The following WDPCP variants were observed in gnomAD, a reference collection of about 807,000 sequenced individuals.
WDPCP encodes the protein WD repeat-containing and planar cell polarity effector protein fritz homolog.
A neutral mutation model predicts 93.1 loss-of-function variants in WDPCP; 71 were observed. The ratio of observed to expected loss-of-function variants is 0.76; its 90% CI spans 0.63 to 0.93. The LOEUF (loss-of-function observed/expected upper bound fraction) is 0.93. Ranked by LOEUF, WDPCP falls within the 40% of genes least tolerant of loss-of-function variation. The probability of loss-of-function intolerance (pLI) is 0.00; values close to 1 mark genes in which losing one functional copy is unlikely to be tolerated. For synonymous variants in WDPCP, 315 were observed against 315.0 expected (o/e 1.00, Z 0.00); for missense variants, 844 against 887.4 (o/e 0.95, Z 0.62).
At chr2:63,798,761 C>T (rs1286087057) in intron 2 of WDPCP, among the ~76,000 whole-genome samples, 2 of 152,020 alleles carry the variant, frequency 1.3e-5, no homozygotes, top group Non-Finnish European at 2.9e-5. Context: ...ACTAAACTCT[C>T]CAATCAAAAG....
At chr2:63,416,419 C>T (rs72883636) in intron 9 of WDPCP, among the ~76,000 whole-genome samples, 60,335 of 151,306 alleles carry the variant, frequency 0.4, 12,362 homozygotes, top group Non-Finnish European at 0.43. Context: ...CAGCTGGTCT[C>T]GAACTCTTGA....
At chr2:63,828,036 AAAGAAGT>A (rs1671138953), upstream of WDPCP, among the ~76,000 whole-genome samples, 1 of 152,202 alleles carries the variant, frequency 6.6e-6, no homozygotes, top group South Asian at 2.1e-4. Flanking sequence ...AGCCTGCTGC[AAAGAAGT>A]AAACATTGGG....
intron 6 of WDPCP, among the ~76,000 whole-genome samples, chr2:63,466,856 A>G (rs527822603): frequency 1.7e-4 from 26 of 152,298 alleles, no homozygotes; most frequent in African/African-American, 6.3e-4. Context: ...AGCTTCCAAA[A>G]CGTTATTAGT....
intron 6 of WDPCP, among the ~76,000 whole-genome samples, chr2:63,454,473 G>A (rs1698489351): frequency 6.6e-6 from 1 of 151,484 alleles, no homozygotes; most frequent in Admixed American, 6.6e-5. Flanking sequence ...TACATGTTGT[G>A]CACATGTACC....
intron 3 of WDPCP, chr2:63,605,883 A>G: frequency 7.2e-7 from 1 of 1,380,618 alleles, no homozygotes; most frequent in Non-Finnish European, 1.0e-6. Flanking sequence ...TTATTAGTTC[A>G]TGTGTCAGTT....
intron 1 of WDPCP, among the ~76,000 whole-genome samples, chr2:63,823,384 T>C (rs1671055210): frequency 6.6e-6 from 1 of 152,040 alleles, no homozygotes; most frequent in African/African-American, 2.4e-5. Flanking sequence ...CACGCACCTG[T>C]AGTCCCAGCT....
rs187306944 is a variant in WDPCP at position 63,588,230 on chromosome 2, G to A, written c.42C>T (p.Ala14=). The A allele has an allele frequency of 2.5e-6, 4 of 1,576,800 alleles. No homozygotes were observed. The highest frequency in any genetic ancestry group is 1.8e-5 in the Admixed American group (1 of 57,142). Residue 14 remains alanine (A), a synonymous_variant, in exon 1 of 18, where the codon GCC becomes GCT. Coordinates refer to ENST00000272321, the MANE Select transcript of WDPCP (RefSeq NM_015910.7). ...EFCWDAYSKA[A]GSRASSPLPR... ...GGAGTGGGGAAGAAGCGCGACTCCCGGCCGCTTTGGAGTAGGCGTCCCAGC... is the reference window on the plus strand; with the variant it reads ...GGAGTGGGGAAGAAGCGCGACTCCCAGCCGCTTTGGAGTAGGCGTCCCAGC...
At chr2:63,213,545 A>T (rs1159972683) in intron 14 of WDPCP, among the ~76,000 whole-genome samples, 1 of 152,210 alleles carries the variant, frequency 6.6e-6, no homozygotes, top group Non-Finnish European at 1.5e-5. Context: ...TTGACACCCT[A>T]ACATCACAAT....
chr2:63,245,701 A>C (rs1680217479), intron 14 of WDPCP, among the ~76,000 whole-genome samples: 1 of 152,188 alleles, frequency 6.6e-6, no homozygotes, highest in Non-Finnish European at 1.5e-5. Flanking sequence ...TAAAAATTGA[A>C]GGGAACTGTG....
At chr2:63,587,359 A>C (rs1708929227) in intron 1 of WDPCP, among the ~76,000 whole-genome samples, 1 of 152,208 alleles carries the variant, frequency 6.6e-6, no homozygotes, top group Non-Finnish European at 1.5e-5. Flanking sequence ...GAAAACCAGG[A>C]AAGTATGTTG....
chr2:63,454,502 T>TAATAAAA (rs1230426724), intron 6 of WDPCP, among the ~76,000 whole-genome samples: 2 of 149,854 alleles, frequency 1.3e-5, no homozygotes, highest in Non-Finnish European at 2.9e-5. Flanking sequence ...TAACGTATAA[T>TAATAAAA]AATAAAAAAT....
rs1484378631 is a variant in WDPCP at position 63,597,418 on chromosome 2, A to G, written n.488+53241T>C. On this transcript the variant is annotated intron_variant and non_coding_transcript_variant, in intron 3 of 4. Transcript: ENST00000467687. ...CCACAGATGTCATCGCAACAGATAA[A>G]GAAGACGTTGCCTTCAAAGACCTGG... 6 of 1,443,234 alleles carry G rather than the reference A, an allele frequency of 4.2e-6. No homozygotes were observed. The South Asian group carries it at 9.3e-5, about 22-fold the overall frequency. 89.4% of individuals were successfully genotyped at this position (1,443,234 alleles called of 1,614,324 possible).
chr2:63,615,870 A>G (rs930493131), intron 3 of WDPCP, among the ~76,000 whole-genome samples: 1 of 152,136 alleles, frequency 6.6e-6, no homozygotes, highest in Non-Finnish European at 1.5e-5. Context: ...CCCTGAGAAT[A>G]AGCTTTCTCG....
chr2:63,660,181 AAATTCATTATT>A (rs1374967814), intron 2 of WDPCP, among the ~76,000 whole-genome samples: 4 of 152,042 alleles, frequency 2.6e-5, no homozygotes, highest in African/African-American at 4.8e-5. Flanking sequence ...TTTTTTAAAA[AAATTCATTATT>A]AATTAATTTA....
Position 63,495,610 on chromosome 2 carries a change from C to T in WDPCP, c.76-2670G>A, listed in dbSNP as rs568744088. Among the ~76,000 whole-genome samples the T allele has an allele frequency of 2.0e-5, 3 of 152,278 alleles. No homozygotes were observed. In the East Asian group the frequency reaches 5.8e-4, roughly 29 times the overall value. On this transcript the variant is annotated intron_variant, in intron 1 of 17. Coordinates refer to ENST00000272321, the MANE Select transcript of WDPCP (RefSeq NM_015910.7). ...GCCTGCCTCTTTTCTAATTTCTCAG[C>T]TTAGTAGCTAACTTGGACTAATTAC...
At chr2:63,640,671 T>A (rs1038344248) in intron 3 of WDPCP, among the ~76,000 whole-genome samples, 3 of 152,144 alleles carry the variant, frequency 2.0e-5, no homozygotes, top group African/African-American at 7.2e-5. Flanking sequence ...ATAAAATATT[T>A]TGTTTGTATT....
Position 63,801,374 on chromosome 2 carries a change from G to C in WDPCP, n.308+12248C>G, listed in dbSNP as rs559335430. On this transcript the variant is annotated intron_variant and non_coding_transcript_variant, in intron 2 of 4. Coordinates refer to the WDPCP transcript ENST00000467687. ...TCTCGCTGACTTCAAGAATGAAACC[G>C]TGGACCTTCACTGTGAGTGTTACAG... Among the ~76,000 whole-genome samples, 6 of 152,266 alleles carry C rather than the reference G, an allele frequency of 3.9e-5. No individual in the cohort carries two copies. The South Asian group carries it at 1.2e-3, about 32-fold the overall frequency.
intron 2 of WDPCP, among the ~76,000 whole-genome samples, chr2:63,671,057 G>T (rs1710339855): frequency 6.6e-6 from 1 of 152,164 alleles, no homozygotes; most frequent in Non-Finnish European, 1.5e-5. Flanking sequence ...TCCCTACTCA[G>T]GCTCAGCTTT....
chr2:63,818,635 C>T (rs1670973601), intron 1 of WDPCP, among the ~76,000 whole-genome samples: 3 of 152,148 alleles, frequency 2.0e-5, no homozygotes, highest in African/African-American at 7.2e-5. Flanking sequence ...TCTATGGCTA[C>T]ATACAACACG....
Sources: allele counts gnomAD v4.1 joint callset (sites outside exome capture counted in the v4.1 genomes callset), GRCh38; gene constraint gnomAD v4.1.1; transcripts MANE v1.5; gene names NCBI Gene and HGNC (gene_info 2026-07-23, HGNC 2026-07-21).